Variants in GREM2 observed in about 807,000 individuals in gnomAD.
The protein encoded by GREM2 is gremlin-2.
In GREM2, 11 loss-of-function variants were observed where a neutral mutation model predicts 14.2. The ratio of observed to expected loss-of-function variants is 0.78; its 90% CI spans 0.49 to 1.28. The LOEUF (loss-of-function observed/expected upper bound fraction) is 1.28, where lower values mean the gene tolerates loss of function less well. GREM2 is among the 50% of genes most tolerant of loss of function. The pLI is 0.00. For missense variants in GREM2, 210 were observed against 218.5 expected (o/e 0.96, Z 0.24); for synonymous variants, 98 against 97.6 (o/e 1.00, Z -0.02).
At chr1:240,586,051 C>CA (rs1491283362) in intron 1 of GREM2, among the ~76,000 whole-genome samples, 1 of 150,944 alleles carries the variant, frequency 6.6e-6, no homozygotes, top group Non-Finnish European at 1.5e-5. Context: ...AGACAAAACT[C>CA]ACACACAGAG....
At chr1:240,547,618 A>G (rs554970984) in intron 1 of GREM2, among the ~76,000 whole-genome samples, 2 of 151,590 alleles carry the variant, frequency 1.3e-5, no homozygotes, top group Non-Finnish European at 2.9e-5. Context: ...GGTGGAGAAG[A>G]GGAGATTCAA....
At chr1:240,512,344 A>G (rs1269616347) in intron 1 of GREM2, among the ~76,000 whole-genome samples, 1 of 152,216 alleles carries the variant, frequency 6.6e-6, no homozygotes, top group Non-Finnish European at 1.5e-5. Flanking sequence ...CTTCAATATT[A>G]ATAGAAAATA....
At chr1:240,517,378 T>C (rs545460897) in intron 1 of GREM2, among the ~76,000 whole-genome samples, 1 of 152,342 alleles carries the variant, frequency 6.6e-6, no homozygotes, top group East Asian at 1.9e-4. Flanking sequence ...TCTTAGTAAA[T>C]TTTGTGCAAG....
chr1:240,519,960 A>T lies in GREM2; in HGVS notation c.-1-26484T>A, dbSNP rs143297557. Among the ~76,000 whole-genome samples, 1,228 of 152,190 alleles carry T rather than the reference A, an allele frequency of 8.1e-3. 13 individuals are homozygous for T. The highest frequency in any genetic ancestry group is 0.028 in the African/African-American group (1,157 of 41,518). ...CTGGGCGTGGTGGCGCATGCCTGTAATCCCAGCTACTCAGGAGGCTGAGGC... is the reference window on the plus strand; with the variant it reads ...CTGGGCGTGGTGGCGCATGCCTGTATTCCCAGCTACTCAGGAGGCTGAGGC... On this transcript the variant is annotated intron_variant, in intron 1 of 1. Transcript: ENST00000318160.
chr1:240,609,546 T>G (rs1405638347), intron 1 of GREM2, among the ~76,000 whole-genome samples: 1 of 152,142 alleles, frequency 6.6e-6, no homozygotes, highest in East Asian at 1.9e-4. Context: ...CAATGTCTTG[T>G]GTGACCCATT....
At chr1:240,608,580 A>G (rs957704916) in intron 1 of GREM2, among the ~76,000 whole-genome samples, 1 of 152,230 alleles carries the variant, frequency 6.6e-6, no homozygotes, top group African/African-American at 2.4e-5. Flanking sequence ...AATGCAGACA[A>G]TGTTTGTTCT....
At chr1:240,601,912 CAAA>C (rs58182251) in intron 1 of GREM2, among the ~76,000 whole-genome samples, 64 of 96,378 alleles carry the variant, frequency 6.6e-4, no homozygotes, top group Middle Eastern at 6.0e-3. Flanking sequence ...GAATCCATCT[CAAA>C]AAAAAAAAAA....
chr1:240,509,056 CTTCT>C (rs1677741280), intron 1 of GREM2, among the ~76,000 whole-genome samples: 1 of 152,222 alleles, frequency 6.6e-6, no homozygotes, highest in Admixed American at 6.5e-5. Context: ...TCTAACATCT[CTTCT>C]TTCTTTGAGC....
intron 1 of GREM2, among the ~76,000 whole-genome samples, chr1:240,498,241 G>A (rs1325272829): frequency 1.3e-5 from 2 of 152,184 alleles, no homozygotes; most frequent in South Asian, 2.1e-4. Flanking sequence ...TAGGTCTCAC[G>A]GGAAGCTAAG....
intron 1 of GREM2, among the ~76,000 whole-genome samples, chr1:240,527,664 A>G (rs1490258398): frequency 6.6e-6 from 1 of 152,206 alleles, no homozygotes; most frequent in African/African-American, 2.4e-5. Flanking sequence ...CATTTATTCA[A>G]TGTGTATTAC....
chr1:240,593,321 A>G (rs16840425), intron 1 of GREM2, among the ~76,000 whole-genome samples: 5,550 of 151,880 alleles, frequency 0.037, 261 homozygotes, highest in African/African-American at 0.1. Flanking sequence ...CTACCATGAC[A>G]TTTATCTTAG....
In GREM2 at chr1:240,574,235, A is replaced by G. The variant is rs764643176; in HGVS notation, c.-2+37649T>C. On this transcript the variant is annotated intron_variant, in intron 1 of 1. Coordinates refer to ENST00000318160, the MANE Select transcript of GREM2 (RefSeq NM_022469.4). ...GCACCCAGCCTGAGATAGGTTTAAA[A>G]TTTCTTTTCTGTTGTATAGAATTCA... Among the ~76,000 whole-genome samples, 145 of 152,068 alleles carry G rather than the reference A, an allele frequency of 9.5e-4. 1 individual carries two copies. Among genetic ancestry groups the G allele is most frequent in the Admixed American group, 1.4e-3 (22 of 15,246 alleles).
chr1:240,606,677 CTT>C (rs1261199860), intron 1 of GREM2, among the ~76,000 whole-genome samples: 66 of 131,274 alleles, frequency 5.0e-4, no homozygotes, highest in Admixed American at 7.0e-4. Flanking sequence ...TGAAACAGTT[CTT>C]TTTTTTTTTT....
intron 1 of GREM2, among the ~76,000 whole-genome samples, chr1:240,508,865 A>G (rs1308677464): frequency 6.6e-6 from 1 of 152,162 alleles, no homozygotes; most frequent in Admixed American, 6.5e-5. Context: ...GAGAATTGAT[A>G]TTTTTAATAA....
intron 1 of GREM2, among the ~76,000 whole-genome samples, chr1:240,550,918 A>T (rs947728333): frequency 6.6e-6 from 1 of 152,194 alleles, no homozygotes; most frequent in African/African-American, 2.4e-5. Context: ...ACAGATTGCA[A>T]TTACTGTAGC....
At chr1:240,586,908 G>C (rs974115169) in intron 1 of GREM2, among the ~76,000 whole-genome samples, 2 of 152,166 alleles carry the variant, frequency 1.3e-5, no homozygotes, top group African/African-American at 4.8e-5. Flanking sequence ...CTGGAAAAAC[G>C]AGAGACTGCA....
At chr1:240,539,532 G>C (rs12239306) in intron 1 of GREM2, among the ~76,000 whole-genome samples, 1 of 152,090 alleles carries the variant, frequency 6.6e-6, no homozygotes, top group Non-Finnish European at 1.5e-5. Context: ...AGAACATCAG[G>C]CTTCTTAACA....
At chr1:240,549,630 G>A (rs961995039) in intron 1 of GREM2, among the ~76,000 whole-genome samples, 1 of 152,156 alleles carries the variant, frequency 6.6e-6, no homozygotes, top group Non-Finnish European at 1.5e-5. Context: ...CCTTGGTCTT[G>A]GAGAAGAGGA....
At chr1:240,561,099 G>C (rs1297653871) in intron 1 of GREM2, among the ~76,000 whole-genome samples, 1 of 152,072 alleles carries the variant, frequency 6.6e-6, no homozygotes, top group East Asian at 1.9e-4. Context: ...TATTTTTCTG[G>C]ATTTCAAGTT....
Sources: allele counts gnomAD v4.1 joint callset (sites outside exome capture counted in the v4.1 genomes callset), GRCh38; gene constraint gnomAD v4.1.1; transcripts MANE v1.5; gene names NCBI Gene and HGNC (gene_info 2026-07-23, HGNC 2026-07-21).